ZDHHC8: variants seen among roughly 807,000 people sequenced by gnomAD.
The protein encoded by ZDHHC8 is palmitoyltransferase ZDHHC8.
ZDHHC8 carries 24 observed loss-of-function variants against 61.2 expected under a neutral mutation model. The observed-to-expected ratio is 0.39, with a 90% CI of 0.28 to 0.55. The LOEUF is 0.55. Ranked by LOEUF, ZDHHC8 falls within the 20% of genes least tolerant of loss-of-function variation. The pLI is 0.60. For missense variants in ZDHHC8, 935 were observed against 1,102.1 expected (o/e 0.85, Z 2.15); for synonymous variants, 523 against 492.5 (o/e 1.06, Z -0.82).
rs778240267 is a variant in ZDHHC8 at position 20,143,485 on chromosome 22, G to A, written c.1855G>A (p.Ala619Thr). 11 of 1,600,270 alleles carry A rather than the reference G, an allele frequency of 6.9e-6. No homozygotes were observed. The East Asian group carries it at 1.8e-4, about 26-fold the overall frequency. ...TGTGGCTGGGCCCGGCTTCGGTGGC[G>A]CCCGCAACCCTGCCCTGCAGACGTC... is the stretch of plus-strand genomic sequence containing the variant. ...DLVAGPGFGG[A>T]RNPALQTSLS... Residue 619 changes from alanine (A) to threonine (T), a missense_variant, in exon 10 of 11, where the codon GCC (alanine) becomes ACC (threonine). Coordinates refer to ENST00000334554, the MANE Select transcript of ZDHHC8 (RefSeq NM_013373.4).
intron 1 of ZDHHC8, among the ~76,000 whole-genome samples, chr22:20,133,020 G>T (rs1346216873): frequency 6.6e-6 from 1 of 152,238 alleles, no homozygotes; most frequent in African/African-American, 2.4e-5. Flanking sequence ...CTGGAGAGGG[G>T]CAGGTAGGGG....
chr22:20,140,285 T>TG, intron 5 of ZDHHC8, 68 bp downstream of exon 5: 1 of 1,441,670 alleles, frequency 6.9e-7, no homozygotes, highest in Non-Finnish European at 9.4e-7. Context: ...GGGGACAGGG[T>TG]GGGGGCTGGG....
chr22:20,141,669 A>G (rs1242350049), intron 9 of ZDHHC8, 139 bp downstream of exon 9: 3 of 748,982 alleles, frequency 4.0e-6, no homozygotes. Flanking sequence ...CCCTGAGGCC[A>G]TGCCCCTCAG....
At chr22:20,139,154 A>G (rs1181522796) in intron 1 of ZDHHC8, 40 bp from the exon 2 acceptor site, 5 of 1,598,686 alleles carry the variant, frequency 3.1e-6, no homozygotes, top group Non-Finnish European at 4.3e-6. Flanking sequence ...TCCGCTCTGC[A>G]CCCCCAGACT....
At chr22:20,133,206 C>T (rs539338888) in intron 1 of ZDHHC8, among the ~76,000 whole-genome samples, 23 of 151,978 alleles carry the variant, frequency 1.5e-4, no homozygotes, top group Non-Finnish European at 3.4e-4. Context: ...ATTTCTGGCT[C>T]GGGCAAGCCA....
At position 20,143,455 on chromosome 22, in the gene ZDHHC8, G is replaced by C; in HGVS notation, c.1825G>C (p.Asp609His). 1 of 1,600,950 alleles carries C rather than the reference G, an allele frequency of 6.2e-7. No individual in the cohort carries two copies. The highest frequency in any genetic ancestry group is 8.5e-7 in the Non-Finnish European group (1 of 1,179,420). Residue 609 changes from aspartate (D) to histidine (H), a missense_variant, in exon 10 of 11, where the codon GAC (aspartate) becomes CAC (histidine). Transcript: ENST00000334554. ...GPALRYGSRD[D>H]LVAGPGFGGA... ...CGCGCTGCGCTATGGCTCCAGAGAC[G>C]ACCTTGTGGCTGGGCCCGGCTTCGG...
In ZDHHC8 at chr22:20,131,980, C is replaced by A; in HGVS notation, c.33C>A (p.Pro11=). Residue 11 remains proline (P), a synonymous_variant, in exon 1 of 11, where the codon CCC becomes CCA. Transcript: ENST00000334554. MPRSPGTRLK[P]AKYIPVATAA... ...GCAGCCCCGGGACGCGCCTCAAACC[C>A]GCCAAGTACATCCCGGTGGCCACGG... 1 of 1,357,878 alleles carries A rather than the reference C, an allele frequency of 7.4e-7. No homozygotes were observed. Among genetic ancestry groups the A allele is most frequent in the Non-Finnish European group, 9.6e-7 (1 of 1,038,164 alleles). 84.1% of individuals were successfully genotyped at this position (1,357,878 alleles called of 1,614,324 possible). A position where few individuals can be genotyped will look rare whatever the true frequency, so the allele number is the denominator to read the frequency against.
intron 1 of ZDHHC8, 56 bp downstream of exon 1, chr22:20,132,107 G>T: frequency 9.4e-7 from 1 of 1,067,372 alleles, no homozygotes; most frequent in Non-Finnish European, 1.2e-6. Flanking sequence ...GGCCCGCACA[G>T]CCCGGGCACG....
chr22:20,142,898 C>G lies in ZDHHC8; in HGVS notation c.1268C>G (p.Ser423Cys). ...AYPPSPPLSA[S>C]DAFSGALRSL... ...CCGCCATCCCCACCGCTCAGCGCCT[C>G]TGATGCCTTCTCGGGCGCTTTGCGC... Residue 423 changes from serine to cysteine, a missense_variant, in exon 10 of 11, where the codon TCT becomes TGT. Transcript: ENST00000334554. 1 of 1,611,114 alleles carries G rather than the reference C, an allele frequency of 6.2e-7. No homozygotes were observed. The highest frequency in any genetic ancestry group is 8.5e-7 in the Non-Finnish European group (1 of 1,179,214).
chr22:20,140,515 A>C, intron 5 of ZDHHC8, 102 bp from the exon 6 acceptor site: 2 of 1,255,064 alleles, frequency 1.6e-6, no homozygotes, highest in Non-Finnish European at 2.2e-6. Context: ...CACTTCCCGC[A>C]AGTATCAGCT....
Position 20,146,015 on chromosome 22 carries a change from G to A in ZDHHC8, c.*615G>A, listed in dbSNP as rs1487175969. The A allele has an allele frequency of 5.1e-6, 5 of 985,922 alleles. No individual in the cohort carries two copies. In the East Asian group the frequency reaches 3.4e-4, roughly 67 times the overall value. 61.1% of individuals were successfully genotyped at this position (985,922 alleles called of 1,614,324 possible). On this transcript the variant is annotated 3_prime_UTR_variant, in exon 11 of 11. Coordinates refer to ENST00000334554, the MANE Select transcript of ZDHHC8 (RefSeq NM_013373.4). Reference sequence around the variant, plus strand: ...GCCAGCCAGCTGTGGCCGGGGGCCCGGCTCCATGTGTCCCGTGTCTGTGTG... The same window carrying A: ...GCCAGCCAGCTGTGGCCGGGGGCCCAGCTCCATGTGTCCCGTGTCTGTGTG...
chr22:20,139,575 G>A lies in ZDHHC8; in HGVS notation c.324G>A (p.Thr108=), dbSNP rs748595856. The change falls in exon 3 of 11, where the codon ACG becomes ACA. Residue 108 remains threonine (T), a synonymous_variant. Transcript: ENST00000334554. ...GIQVRMKWCA[T]CHFYRPPRCS... ...AGGTCCGCATGAAGTGGTGTGCCAC[G>A]TGCCACTTCTACCGCCCGCCGCGCT... The A allele has an allele frequency of 5.6e-6, 9 of 1,613,246 alleles. No homozygotes were observed. The East Asian group carries it at 6.7e-5, about 12-fold the overall frequency.
rs2292570 is a variant in ZDHHC8, at chr22:20,147,817, T to C, written c.*2417T>C. ...GCCCAAGCCCTGTGTCCTCCAGCAG[T>C]GGTACGGCCTGCGGCAGGGTGGCAC... On this transcript the variant is annotated 3_prime_UTR_variant, in exon 11 of 11. Coordinates refer to ENST00000334554, the MANE Select transcript of ZDHHC8 (RefSeq NM_013373.4). 19,756 of 152,296 alleles carry C rather than the reference T, an allele frequency of 0.13. 2,213 individuals carry two copies. The highest frequency in any genetic ancestry group is 0.52 in the East Asian group (2,666 of 5,146). 9.4% of individuals were successfully genotyped at this position (152,296 alleles called of 1,614,324 possible). A position where few individuals can be genotyped will look rare whatever the true frequency, so the allele number is the denominator to read the frequency against.
chr22:20,137,045 G>T (rs1018664477), intron 1 of ZDHHC8, among the ~76,000 whole-genome samples: 2 of 152,226 alleles, frequency 1.3e-5, no homozygotes, highest in African/African-American at 2.4e-5. Flanking sequence ...CACTCTGGAG[G>T]ACTGGAGGAG....
At chr22:20,142,633 C>T in intron 9 of ZDHHC8, 123 bp from the exon 10 acceptor site, 1 of 1,315,106 alleles carries the variant, frequency 7.6e-7, no homozygotes, top group South Asian at 1.4e-5. Context: ...CTATGTGGCT[C>T]TTATGGCTCC....
At position 20,142,789 on chromosome 22, in the gene ZDHHC8, G is replaced by A. The variant is rs778680629; in HGVS notation, c.1159G>A (p.Asp387Asn). Residue 387 changes from aspartate to asparagine, a missense_variant, in exon 10 of 11, where the codon GAC becomes AAC. Physicochemically the swap from Asp to Asn is conservative, Grantham distance 23. Transcript: ENST00000334554. ...PGPDSLTLGD[D>N]SIRSLDFVSE... Reference sequence around the variant, plus strand: ...CCCTGATTCCCTGACCCTGGGGGACGACAGCATCCGTAGCCTGGACTTTGT... The same window carrying A: ...CCCTGATTCCCTGACCCTGGGGGACAACAGCATCCGTAGCCTGGACTTTGT... The A allele has an allele frequency of 6.8e-6, 11 of 1,612,520 alleles. No homozygotes were observed. The highest frequency in any genetic ancestry group is 4.4e-5 in the South Asian group (4 of 91,082).
chr22:20,142,367 T>TG (rs2050477757), intron 9 of ZDHHC8, among the ~76,000 whole-genome samples: 1 of 152,186 alleles, frequency 6.6e-6, no homozygotes, highest in Admixed American at 6.5e-5. Context: ...AGCCCACATT[T>TG]GCCCTGATCC....
rs1602574483 is a variant in ZDHHC8, at chr22:20,142,989, T to G, written c.1359T>G (p.Ser453=). Residue 453 remains serine, a synonymous_variant, in exon 10 of 11, where the codon TCT becomes TCG. Coordinates refer to ENST00000334554, the MANE Select transcript of ZDHHC8 (RefSeq NM_013373.4). ...ATGTGGCCCTGCAGCCCCTGCGCTC[T>G]GAGGGGGGGCCCCCCACGCCCCACC... ...GDHVALQPLR[S]EGGPPTPHRS... is the part of the protein sequence containing the mutation. 1 of 1,605,896 alleles carries G rather than the reference T, an allele frequency of 6.2e-7. No homozygotes were observed. The highest frequency in any genetic ancestry group is 2.2e-5 in the East Asian group (1 of 44,678).
chr22:20,131,831 C>T lies in ZDHHC8; in HGVS notation c.-117C>T. On this transcript the variant is annotated 5_prime_UTR_variant, in exon 1 of 11. Transcript: ENST00000334554. Reference sequence around the variant, plus strand: ...GGGGTGGGATTTCCTCCGCCGCCGCCGCCGCCGCCGCCGCGGGTCCTGCGC... The same window carrying T: ...GGGGTGGGATTTCCTCCGCCGCCGCTGCCGCCGCCGCCGCGGGTCCTGCGC... 3.1e-6 allele frequency: 1 copy of T among 320,514 alleles called. No individual in the cohort carries two copies. Among genetic ancestry groups the T allele is most frequent in the Non-Finnish European group, 4.5e-6 (1 of 224,230 alleles). 19.9% of individuals were successfully genotyped at this position (320,514 alleles called of 1,614,324 possible).
Sources: gnomAD v4.1 joint callset for allele counts (sites outside exome capture counted in the v4.1 genomes callset) on GRCh38, gnomAD v4.1.1 for gene constraint, MANE v1.5 for transcripts, NCBI Gene and HGNC (gene_info 2026-07-23, HGNC 2026-07-21) for gene names.